The following FHIP2A variants were observed in gnomAD, a reference collection of about 807,000 sequenced individuals.
The protein encoded by FHIP2A is FHF complex subunit HOOK interacting protein 2A, also known as family with sequence similarity 160 member B1.
FHIP2A carries 46 observed loss-of-function variants against 93.5 expected under a neutral mutation model. The observed-to-expected ratio is 0.49, with a 90% CI of 0.39 to 0.63. The LOEUF (loss-of-function observed/expected upper bound fraction) is 0.63. FHIP2A is among the 20% of genes least tolerant of loss of function. The pLI, the probability that FHIP2A is intolerant of heterozygous loss-of-function variation, is 0.00. For synonymous variants in FHIP2A, 332 were observed against 326.5 expected, an observed-to-expected ratio of 1.02 and a Z score of -0.18; for missense variants, 769 against 909.7, an observed-to-expected ratio of 0.85 and a Z score of 1.99.
chr10:114,885,433 C>T (rs2083938285), intron 16 of FHIP2A, among the ~76,000 whole-genome samples: 1 of 151,728 alleles, frequency 6.6e-6, no homozygotes, highest in Non-Finnish European at 1.5e-5. Flanking sequence ...GCAGATGACC[C>T]TTTTTCTCTA....
intron 16 of FHIP2A, among the ~76,000 whole-genome samples, chr10:114,893,869 G>A (rs1367221506): frequency 6.6e-6 from 1 of 152,016 alleles, no homozygotes; most frequent in Admixed American, 6.6e-5. Flanking sequence ...ATGTGCAAAA[G>A]CATTGAATAC....
intron 16 of FHIP2A, among the ~76,000 whole-genome samples, chr10:114,895,478 T>A (rs1480227520): frequency 6.6e-6 from 1 of 152,184 alleles, no homozygotes; most frequent in African/African-American, 2.4e-5. Flanking sequence ...TTAATCAAAA[T>A]TTTCCATGGG....
At chr10:114,839,158 G>A (rs1418686024) in intron 5 of FHIP2A, among the ~76,000 whole-genome samples, 1 of 151,916 alleles carries the variant, frequency 6.6e-6, no homozygotes, top group Non-Finnish European at 1.5e-5. Flanking sequence ...GAGATAGTCT[G>A]ACTGTGTCAC....
chr10:114,837,824 G>A (rs2083644824), intron 5 of FHIP2A, among the ~76,000 whole-genome samples: 2 of 152,148 alleles, frequency 1.3e-5, no homozygotes, highest in Admixed American at 6.5e-5. Context: ...TTAGCTTATT[G>A]CATTTGAGAT....
Position 114,861,642 on chromosome 10 carries a change from A to G in FHIP2A, c.*102A>G. 1 of 1,488,482 alleles carries G rather than the reference A, an allele frequency of 6.7e-7. No individual in the cohort carries two copies. Among genetic ancestry groups the G allele is most frequent in the Non-Finnish European group, 8.9e-7 (1 of 1,125,602 alleles). 92.2% of individuals were successfully genotyped at this position (1,488,482 alleles called of 1,614,324 possible). On this transcript the variant is annotated 3_prime_UTR_variant, in exon 17 of 17. Transcript: ENST00000369248. Reference sequence around the variant, plus strand: ...ACAAGAGGATAAAAAGCCTTTTTAAACGCAGTATTGCTGTAAACTGGACAG... The same window carrying G: ...ACAAGAGGATAAAAAGCCTTTTTAAGCGCAGTATTGCTGTAAACTGGACAG...
At chr10:114,834,173 A>G (rs1043830089) in intron 3 of FHIP2A, among the ~76,000 whole-genome samples, 3 of 152,262 alleles carry the variant, frequency 2.0e-5, no homozygotes, top group African/African-American at 7.2e-5. Context: ...TTTTTATGAC[A>G]GAGAGATATG....
rs760236627 is a variant in FHIP2A at position 114,861,589 on chromosome 10, A to C, written c.*49A>C. ...GGAACAGAACTACTGTGTACATTTC[A>C]CCAAAAAAGACTCAGTTCCACCCAG... On this transcript the variant is annotated 3_prime_UTR_variant, in exon 17 of 17. Coordinates refer to ENST00000369248, the MANE Select transcript of FHIP2A (RefSeq NM_020940.4). The C allele has an allele frequency of 3.8e-6, 6 of 1,592,812 alleles. No individual in the cohort carries two copies. The African/African-American group carries it at 8.1e-5, about 21-fold the overall frequency.
Position 114,855,335 on chromosome 10 carries a change from G to C in FHIP2A, c.1942G>C (p.Asp648His), listed in dbSNP as rs1039193887. Residue 648 changes from aspartate to histidine, a missense_variant, in exon 14 of 17, where the codon GAT (aspartate) becomes CAT (histidine). By Grantham distance (81) the Asp-to-His change is moderately conservative (BLOSUM62 -1). Coordinates refer to ENST00000369248, the MANE Select transcript of FHIP2A (RefSeq NM_020940.4). ...VLFDRMGRIL[D>H]QPYDVNLQVT... is the part of the protein sequence containing the mutation. The stretch of plus-strand genomic sequence containing the variant: ...GTTCGACAGAATGGGAAGAATTCTT[G>C]ATCAGGTAATACATTTTAAAATACT... 1 of 1,613,064 alleles carries C rather than the reference G, an allele frequency of 6.2e-7. No individual in the cohort carries two copies. Among genetic ancestry groups the C allele is most frequent in the Admixed American group, 1.7e-5 (1 of 59,976 alleles).
intron 13 of FHIP2A, among the ~76,000 whole-genome samples, chr10:114,851,552 CCTT>C (rs2083736116): frequency 6.6e-6 from 1 of 151,724 alleles, no homozygotes; most frequent in African/African-American, 2.4e-5. Context: ...ATGTACCTGT[CCTT>C]ATCCCAGCAC....
downstream of FHIP2A, among the ~76,000 whole-genome samples, chr10:114,869,512 T>C (rs969083357): frequency 6.6e-6 from 1 of 152,206 alleles, no homozygotes; most frequent in African/African-American, 2.4e-5. Flanking sequence ...GCTGCGTTGG[T>C]GTTGGGCTCC....
At chr10:114,867,562 C>A (rs811215), downstream of FHIP2A, among the ~76,000 whole-genome samples, 5,387 of 152,274 alleles carry the variant, frequency 0.035, 128 homozygotes, top group South Asian at 0.069. Flanking sequence ...TTACTTTTAA[C>A]TCAGTACTCT....
At chr10:114,876,969 T>C (rs2083892682) in intron 16 of FHIP2A, among the ~76,000 whole-genome samples, 1 of 143,432 alleles carries the variant, frequency 7.0e-6, no homozygotes, top group South Asian at 2.2e-4. Flanking sequence ...GGAATAATTC[T>C]AGTTGTGCTC....
In FHIP2A at chr10:114,864,053, G is replaced by A. The variant is rs1315355889; in HGVS notation, c.*2513G>A. ...GTAATGTATCTGTTTGTGCAATATG[G>A]AAGCTGTGAGTGGATTCATAGCTTT... On this transcript the variant is annotated 3_prime_UTR_variant, in exon 17 of 17. Transcript: ENST00000369248. 14 of 991,058 alleles carry A rather than the reference G, an allele frequency of 1.4e-5. No homozygotes were observed. The highest frequency in any genetic ancestry group is 1.7e-5 in the Non-Finnish European group (14 of 833,546). 61.4% of individuals were successfully genotyped at this position (991,058 alleles called of 1,614,324 possible).
At chr10:114,861,128 G>A (rs1359101240) in intron 15 of FHIP2A, 103 bp from the exon 16 acceptor site, 12 of 1,453,712 alleles carry the variant, frequency 8.3e-6, no homozygotes, top group East Asian at 4.6e-5. Flanking sequence ...GAAAGTTTAC[G>A]TTCTTTATTA....
intron 16 of FHIP2A, among the ~76,000 whole-genome samples, chr10:114,886,942 CAGA>C (rs1380103647): frequency 2.6e-5 from 4 of 152,070 alleles, no homozygotes; most frequent in Non-Finnish European, 5.9e-5. Context: ...TCTGTTTTTA[CAGA>C]AGAAGGCTCA....
intron 16 of FHIP2A, among the ~76,000 whole-genome samples, chr10:114,890,450 C>A (rs1273487567): frequency 2.7e-5 from 4 of 148,610 alleles, no homozygotes; most frequent in Non-Finnish European, 4.4e-5. Context: ...TGTGTATACA[C>A]ACACATATAT....
intron 16 of FHIP2A, among the ~76,000 whole-genome samples, chr10:114,875,209 A>C (rs1471935891): frequency 6.6e-6 from 1 of 152,124 alleles, no homozygotes; most frequent in Non-Finnish European, 1.5e-5. Context: ...TGTGCTGCGG[A>C]AGGACTGCTG....
In FHIP2A at chr10:114,861,953, T is replaced by C. The variant is rs1482691597; in HGVS notation, c.*413T>C. Reference sequence around the variant, plus strand: ...GCTTGTATTCTTTTGGATTAATAAGTAGCAAAAAAAAATCACTAATTTTAT... The same window carrying C: ...GCTTGTATTCTTTTGGATTAATAAGCAGCAAAAAAAAATCACTAATTTTAT... On this transcript the variant is annotated 3_prime_UTR_variant, in exon 17 of 17. Coordinates refer to ENST00000369248, the MANE Select transcript of FHIP2A (RefSeq NM_020940.4). 1.0e-6 allele frequency: 1 copy of C among 985,254 alleles called. No individual in the cohort carries two copies. The highest frequency in any genetic ancestry group is 1.8e-5 in the African/African-American group (1 of 57,116). 61.0% of individuals were successfully genotyped at this position (985,254 alleles called of 1,614,324 possible).
intron 1 of FHIP2A, among the ~76,000 whole-genome samples, chr10:114,825,148 G>A (rs2083565693): frequency 6.6e-6 from 1 of 152,120 alleles, no homozygotes; most frequent in Non-Finnish European, 1.5e-5. Context: ...CTCCTGAGTA[G>A]CTGAGACTAT....
Sources: gnomAD v4.1 joint callset for allele counts (sites outside exome capture counted in the v4.1 genomes callset) on GRCh38, gnomAD v4.1.1 for gene constraint, MANE v1.5 for transcripts, NCBI Gene and HGNC (gene_info 2026-07-23, HGNC 2026-07-21) for gene names.